Variants in CST4 observed in about 807,000 individuals in gnomAD.
CST4 encodes the protein cystatin S.
In CST4, 17 loss-of-function variants were observed where a neutral mutation model predicts 11.2. The observed-to-expected ratio is 1.52, with a 90% CI of 1.04 to 2.27. CST4 has a LOEUF of 2.27. CST4 is among the 30% of genes most tolerant of loss of function. The probability of loss-of-function intolerance (pLI) is 0.00; values close to 1 mark genes in which losing one functional copy is unlikely to be tolerated. For synonymous variants in CST4, 93 were observed against 70.1 expected (o/e 1.33, Z -1.63); for missense variants, 251 against 180.2 (o/e 1.39, Z -2.25).
chr20:23,685,869 G>A lies in CST4; in HGVS notation c.*25C>T, dbSNP rs748955324. 56 of 1,611,432 alleles carry A rather than the reference G, an allele frequency of 3.5e-5. No homozygotes were observed. The highest frequency in any genetic ancestry group is 1.6e-4 in the Middle Eastern group (1 of 6,070). On this transcript the variant is annotated 3_prime_UTR_variant, in exon 3 of 3. Coordinates refer to ENST00000217423, the MANE Select transcript of CST4 (RefSeq NM_001899.3). Reference sequence around the variant, plus strand: ...CAGTGGGTGGGAGTGGGTGGTGGTCGGTGTGACTGGCCTGGCACAGACCCC... The same window carrying A: ...CAGTGGGTGGGAGTGGGTGGTGGTCAGTGTGACTGGCCTGGCACAGACCCC...
At position 23,688,803 on chromosome 20, in the gene CST4, T is replaced by C. The variant is rs1374878393; in HGVS notation, c.167A>G (p.Asn56Ser). 2 of 1,614,154 alleles carry C rather than the reference T, an allele frequency of 1.2e-6. No homozygotes were observed. Among genetic ancestry groups the C allele is most frequent in the African/African-American group, 1.3e-5 (1 of 75,054 alleles). The change falls in exon 1 of 3, where the codon AAC becomes AGC. Residue 56 changes from asparagine to serine, a missense_variant. Transcript: ENST00000217423. The stretch of plus-strand genomic sequence containing the variant: ...GTAGTACTCATCTTCGGTGGCCTTG[T>C]TGTACTCGCTGATGGCGAAGTGAAG... ...RALHFAISEY[N>S]KATEDEYYRR...
At chr20:23,688,020 C>T (rs1044257109) in intron 1 of CST4, among the ~76,000 whole-genome samples, 5 of 152,308 alleles carry the variant, frequency 3.3e-5, no homozygotes, top group South Asian at 4.1e-4. Flanking sequence ...CTTTGAATTT[C>T]TAGAAGGTGG....
At position 23,688,880 on chromosome 20, in the gene CST4, G is replaced by C; in HGVS notation, c.90C>G (p.Ile30Met). 6.2e-7 allele frequency: 1 copy of C among 1,614,168 alleles called. No homozygotes were observed. Among genetic ancestry groups the C allele is most frequent in the Non-Finnish European group, 8.5e-7 (1 of 1,180,028 alleles). ...GGTCTGCATCATAGATGCCACCTGG[G>C]ATTATCCTATTCTCCTCCTTGGAGC... ...ASSSKEENRI[I>M]PGGIYDADLN... The change falls in exon 1 of 3, where the codon ATC becomes ATG. Residue 30 changes from isoleucine (I) to methionine (M), a missense_variant. Physicochemically the swap from Ile to Met is conservative, Grantham distance 10 (BLOSUM62 1). Transcript: ENST00000217423.
At position 23,688,724 on chromosome 20, in the gene CST4, G is replaced by C. The variant is rs759347957; in HGVS notation, c.228+18C>G. On this transcript the variant is annotated intron_variant, in intron 1 of 2. Transcript: ENST00000217423. ...CCAGGCTAGGGCTCAGGACCCCTCG[G>C]GTGGAGGCAGCACCCACCTGCTCCC... The C allele has an allele frequency of 6.2e-7, 1 of 1,613,456 alleles. No individual in the cohort carries two copies. The highest frequency in any genetic ancestry group is 1.3e-5 in the African/African-American group (1 of 75,034).
chr20:23,688,657 G>C, intron 1 of CST4, 85 bp downstream of exon 1: 1 of 1,228,336 alleles, frequency 8.1e-7, no homozygotes, highest in Non-Finnish European at 1.2e-6. Context: ...GAATGTGTCA[G>C]TGTTGATTTG....
intron 1 of CST4, among the ~76,000 whole-genome samples, chr20:23,687,524 T>A (rs1279305102): frequency 6.6e-6 from 1 of 152,220 alleles, no homozygotes; most frequent in Non-Finnish European, 1.5e-5. Flanking sequence ...GAAAATCTTA[T>A]TCCCTCCATT....
chr20:23,685,741 G>A lies in CST4; in HGVS notation c.*153C>T, dbSNP rs1482435926. 4 of 714,054 alleles carry A rather than the reference G, an allele frequency of 5.6e-6. No individual in the cohort carries two copies. Among genetic ancestry groups the A allele is most frequent in the African/African-American group, 5.4e-5 (3 of 55,780 alleles). The allele number at this position is 714,054 out of a possible 1,614,324, so 44.2% of individuals were successfully genotyped here. On this transcript the variant is annotated 3_prime_UTR_variant, in exon 3 of 3. Coordinates refer to ENST00000217423, the MANE Select transcript of CST4 (RefSeq NM_001899.3). ...GAGGGAGGGCAGAGCGCCCTGCTGA[G>A]CAACAAAGGACTCCTGCAGCCTTCT...
At chr20:23,687,455 A>G (rs1041669367) in intron 1 of CST4, among the ~76,000 whole-genome samples, 1 of 152,186 alleles carries the variant, frequency 6.6e-6, no homozygotes, top group African/African-American at 2.4e-5. Context: ...CTCAGGGGTG[A>G]GGGAACACTG....
chr20:23,687,039 C>T (rs560779447), intron 2 of CST4, 49 bp downstream of exon 2: 3 of 1,610,716 alleles, frequency 1.9e-6, no homozygotes, highest in Non-Finnish European at 2.5e-6. Flanking sequence ...GACACATACG[C>T]ACCCCTCTGC....
rs760672299 is a variant in CST4, at chr20:23,688,925, C to A, written c.45G>T (p.Leu15=). 2.5e-6 allele frequency: 4 copies of A among 1,613,886 alleles called. No individual in the cohort carries two copies. The highest frequency in any genetic ancestry group is 3.4e-6 in the Non-Finnish European group (4 of 1,179,824). The change falls in exon 1 of 3, where the codon CTG becomes CTT. Residue 15 remains leucine, a synonymous_variant. Coordinates refer to ENST00000217423, the MANE Select transcript of CST4 (RefSeq NM_001899.3). ...LCTLLLLMAT[L]AGALASSSKE... Reference sequence around the variant, plus strand: ...TGGAGCTCGAGGCCAGAGCCCCAGCCAGGGTAGCCATCAGGAGTAGCAGGG... The same window carrying A: ...TGGAGCTCGAGGCCAGAGCCCCAGCAAGGGTAGCCATCAGGAGTAGCAGGG...
intron 1 of CST4, among the ~76,000 whole-genome samples, chr20:23,688,228 G>T (rs1224545193): frequency 6.6e-6 from 1 of 152,228 alleles, no homozygotes; most frequent in African/African-American, 2.4e-5. Context: ...ACCCCAGCAG[G>T]GACTCAGCCA....
rs374899840 is a variant in CST4, at chr20:23,687,392, C to T, written c.229-191G>A. ...GCTGAGCCTCATGCCCGCTCTTAAA[C>T]ATCGTTTTCTCTGTGCTGGGTAAGA... On this transcript the variant is annotated intron_variant, in intron 1 of 2. Transcript: ENST00000217423. 1.1e-3 allele frequency among the ~76,000 whole-genome samples: 164 copies of T among 152,320 alleles called. 1 individual carries two copies. The highest frequency in any genetic ancestry group is 3.7e-3 in the African/African-American group (152 of 41,570).
At chr20:23,687,054 C>T (rs780655260) in intron 2 of CST4, 34 bp downstream of exon 2, 7 of 1,613,844 alleles carry the variant, frequency 4.3e-6, no homozygotes, top group Non-Finnish European at 5.9e-6. Context: ...CTCTGCAGTG[C>T]ATGACTGGCC....
At position 23,688,092 on chromosome 20, in the gene CST4, C is replaced by T. The variant is rs143062361; in HGVS notation, c.228+650G>A. On this transcript the variant is annotated intron_variant, in intron 1 of 2. Transcript: ENST00000217423. ...GCCATGGGATGCAGGTCAAGCTGGGCCCAGTTGCCCTGCTGAAGCTCACTC... is the reference window on the plus strand; with the variant it reads ...GCCATGGGATGCAGGTCAAGCTGGGTCCAGTTGCCCTGCTGAAGCTCACTC... Among the ~76,000 whole-genome samples, 157 of 152,320 alleles carry T rather than the reference C, an allele frequency of 1.0e-3. 2 individuals carry two copies. The highest frequency in any genetic ancestry group is 5.2e-4 in the Admixed American group (8 of 15,302).
chr20:23,687,012 T>C, intron 2 of CST4, 76 bp downstream of exon 2: 5 of 1,581,366 alleles, frequency 3.2e-6, no homozygotes, highest in Non-Finnish European at 4.3e-6. Context: ...CGTCCAAACA[T>C]GGGTAGGACA....
At position 23,685,871 on chromosome 20, in the gene CST4, T is replaced by C. The variant is rs879526683; in HGVS notation, c.*23A>G. The C allele has an allele frequency of 6.2e-7, 1 of 1,612,638 alleles. No individual in the cohort carries two copies. On this transcript the variant is annotated 3_prime_UTR_variant, in exon 3 of 3. Coordinates refer to ENST00000217423, the MANE Select transcript of CST4 (RefSeq NM_001899.3). Reference sequence around the variant, plus strand: ...GTGGGTGGGAGTGGGTGGTGGTCGGTGTGACTGGCCTGGCACAGACCCCTA... The same window carrying C: ...GTGGGTGGGAGTGGGTGGTGGTCGGCGTGACTGGCCTGGCACAGACCCCTA...
intron 1 of CST4, 148 bp from the exon 2 acceptor site, chr20:23,687,349 C>T: frequency 1.2e-6 from 1 of 806,184 alleles, no homozygotes; most frequent in Non-Finnish European, 2.1e-6. Flanking sequence ...GCCCCCTCTT[C>T]CTGTCAGCTG....
chr20:23,686,487 C>T (rs754838887), intron 2 of CST4, among the ~76,000 whole-genome samples: 1 of 152,086 alleles, frequency 6.6e-6, no homozygotes, highest in Admixed American at 6.5e-5. Context: ...GTTGGGTGAG[C>T]CGGGCAGGTC....
chr20:23,688,641 G>T, intron 1 of CST4, 101 bp downstream of exon 1: 1 of 1,097,672 alleles, frequency 9.1e-7, no homozygotes, highest in South Asian at 1.4e-5. Flanking sequence ...CTGAGCATTA[G>T]ATCATGAATG....
Sources: gnomAD v4.1 joint callset for allele counts (sites outside exome capture counted in the v4.1 genomes callset) on GRCh38, gnomAD v4.1.1 for gene constraint, MANE v1.5 for transcripts, NCBI Gene and HGNC (gene_info 2026-07-23, HGNC 2026-07-21) for gene names.